Variants in ALMS1 observed in about 807,000 individuals in gnomAD.
The protein encoded by ALMS1 is centrosome-associated protein ALMS1.
A neutral mutation model predicts 352.2 loss-of-function variants in ALMS1; 271 were observed. The ratio of observed to expected loss-of-function variants is 0.77; its 90% CI spans 0.70 to 0.85. The LOEUF (loss-of-function observed/expected upper bound fraction) is 0.85, where lower values mean the gene tolerates loss of function less well. Ranked by LOEUF, ALMS1 falls within the 40% of genes least tolerant of loss-of-function variation. The pLI is 0.00. For synonymous variants in ALMS1, 1,865 were observed against 1,761.2 expected (o/e 1.06, Z -1.48); for missense variants, 5,445 against 4,870.7 (o/e 1.12, Z -3.51).
rs754175473 is a variant in ALMS1 at position 73,385,937 on chromosome 2, GGAGGAA to G, written c.75_80del (p.Glu27_Glu28del). ...AGGAGGAGGAGGAGGAGGAGGAGGA[GGAGGAA>G]GAGGAGGAGGCTGCAGCGGCGGCGG... On this transcript the variant is annotated inframe_deletion, in exon 1 of 23. Coordinates refer to ENST00000613296, the MANE Select transcript of ALMS1 (RefSeq NM_001378454.1). 10 of 1,000,582 alleles carry G rather than the reference GGAGGAA, an allele frequency of 1.0e-5. No individual in the cohort carries two copies. The highest frequency in any genetic ancestry group is 4.5e-5 in the Admixed American group (2 of 44,444). 62.0% of individuals were successfully genotyped at this position (1,000,582 alleles called of 1,614,324 possible).
intron 16 of ALMS1, among the ~76,000 whole-genome samples, chr2:73,595,041 C>CT (rs1267968928): frequency 2.6e-5 from 4 of 152,230 alleles, no homozygotes; most frequent in South Asian, 2.1e-4. Context: ...CTCCTTAAAT[C>CT]TTTTCTGCCA....
In ALMS1 at chr2:73,601,205, G is replaced by T; in HGVS notation, c.11883G>T (p.Trp3961Cys). Residue 3961 changes from tryptophan to cysteine, a missense_variant, in exon 19 of 23, where the codon TGG (tryptophan) becomes TGT (cysteine). Transcript: ENST00000613296. ...NKKNSHEGVS[W>C]FVPVENVESR... ...AACTGTTTCCTGTAGGAGTTTCCTG[G>T]TTTGTTCCTGTGGAAAATGTGGAGT... The T allele has an allele frequency of 6.2e-7, 1 of 1,614,190 alleles. No individual in the cohort carries two copies.
At chr2:73,458,971 T>C (rs2103807081) in intron 9 of ALMS1, 1 of 152,332 alleles carries the variant, frequency 6.6e-6, no homozygotes, top group South Asian at 2.1e-4. Flanking sequence ...TGAAGAGTTG[T>C]CCCTTGTCAC....
At position 73,424,844 on chromosome 2, in the gene ALMS1, A is replaced by C. The variant is rs765376715; in HGVS notation, c.1179A>C (p.Ser393=). Residue 393 remains serine, a synonymous_variant, in exon 5 of 23, where the codon TCA becomes TCC. Transcript: ENST00000613296. The part of the protein sequence containing the change: ...KRSDHFDAAR[S]YGQYWTQEDS... ...GTGACCATTTTGATGCTGCTCGTTCATATGGGCAGTATTGGACACAGGAAG... is the reference window on the plus strand; with the variant it reads ...GTGACCATTTTGATGCTGCTCGTTCCTATGGGCAGTATTGGACACAGGAAG... 10 of 1,608,358 alleles carry C rather than the reference A, an allele frequency of 6.2e-6. No homozygotes were observed. In the African/African-American group the frequency reaches 1.3e-4, roughly 22 times the overall value.
At chr2:73,511,270 C>T (rs575139901) in intron 10 of ALMS1, among the ~76,000 whole-genome samples, 2 of 152,006 alleles carry the variant, frequency 1.3e-5, no homozygotes, top group South Asian at 4.2e-4. Context: ...CGGTGTCTGC[C>T]CAAATGGCCG....
intron 13 of ALMS1, among the ~76,000 whole-genome samples, chr2:73,555,698 C>T (rs1057254132): frequency 2.6e-5 from 4 of 152,070 alleles, no homozygotes; most frequent in African/African-American, 9.7e-5. Context: ...TAATGCACAC[C>T]ACCTGCAAAG....
In ALMS1 at chr2:73,452,555, GAGTTTCCAGCAGCTACCCTT is replaced by G. The variant is rs1671969315; in HGVS notation, c.6033_6052del (p.Pro2012LeufsTer17). 1 of 1,613,916 alleles carries G rather than the reference GAGTTTCCAGCAGCTACCCTT, an allele frequency of 6.2e-7. No homozygotes were observed. ...GCATATACCAGATGACCAGAAAACT[GAGTTTCCAGCAGCTACCCTT>G]AGTTCCTACTCACAAATAGAGAAGC... is the stretch of plus-strand genomic sequence containing the variant. On this transcript the variant is annotated frameshift_variant, in exon 8 of 23. Coordinates refer to ENST00000613296, the MANE Select transcript of ALMS1 (RefSeq NM_001378454.1). LOFTEE classifies it high-confidence loss of function.
Position 73,600,771 on chromosome 2 carries a change from A to T in ALMS1, c.11762A>T (p.Glu3921Val), listed in dbSNP as rs1383253390. The T allele has an allele frequency of 6.2e-7, 1 of 1,614,222 alleles. No individual in the cohort carries two copies. Among genetic ancestry groups the T allele is most frequent in the South Asian group, 1.1e-5 (1 of 91,088 alleles). The part of the protein sequence containing the change: ...TPSSSEAKLE[E>V]NSDVTSWSEE... ...AGTTCCAGCGAGGCTAAATTGGAAGAGAACAGTGATGTGACTTCTTGGTCA... is the reference window on the plus strand; with the variant it reads ...AGTTCCAGCGAGGCTAAATTGGAAGTGAACAGTGATGTGACTTCTTGGTCA... The change falls in exon 18 of 23, where the codon GAG becomes GTG. Residue 3921 changes from glutamate (E) to valine (V), a missense_variant. Transcript: ENST00000613296.
At chr2:73,462,535 G>T (rs1441155270) in intron 9 of ALMS1, among the ~76,000 whole-genome samples, 2 of 152,228 alleles carry the variant, frequency 1.3e-5, no homozygotes, top group East Asian at 3.9e-4. Flanking sequence ...AGGCCAGGAA[G>T]AAACTGCATC....
chr2:73,552,898 G>A (rs999313048), intron 13 of ALMS1, among the ~76,000 whole-genome samples: 9 of 152,140 alleles, frequency 5.9e-5, no homozygotes, highest in Non-Finnish European at 1.3e-4. Context: ...AACATAAAGA[G>A]AAGGGAAAAG....
chr2:73,453,469 T>C lies in ALMS1; in HGVS notation c.6942T>C (p.Gly2314=). Residue 2314 remains glycine (G), a synonymous_variant, in exon 8 of 23, where the codon GGT becomes GGC. Coordinates refer to ENST00000613296, the MANE Select transcript of ALMS1 (RefSeq NM_001378454.1). ...CCTCTTCCACGGGTGTATCTAATGG[T>C]GATTTGCTTCACAGACAGCCATTCA... is the stretch of plus-strand genomic sequence containing the variant. ...KEPSSTGVSN[G]DLLHRQPFTE... 1 of 1,613,346 alleles carries C rather than the reference T, an allele frequency of 6.2e-7. No individual in the cohort carries two copies. Among genetic ancestry groups the C allele is most frequent in the Non-Finnish European group, 8.5e-7 (1 of 1,179,664 alleles).
intron 7 of ALMS1, among the ~76,000 whole-genome samples, chr2:73,444,285 T>A (rs970342485): frequency 1.3e-5 from 2 of 152,114 alleles, no homozygotes; most frequent in Non-Finnish European, 2.9e-5. Context: ...TGAGTAGGGG[T>A]GCACCTATCA....
intron 18 of ALMS1, 111 bp downstream of exon 18, chr2:73,600,992 G>C: frequency 7.1e-7 from 1 of 1,411,876 alleles, no homozygotes; most frequent in Admixed American, 2.1e-5. Context: ...CCTACCCCCA[G>C]CCACAACCTT....
Position 73,412,499 on chromosome 2 carries a change from C to G in ALMS1, c.450+3752C>G, listed in dbSNP as rs146982948. ...ACTGCTTCATTTCTCTTGGCAAATA[C>G]CTAGGAATGGCTGGACGTGGTGGCT... On this transcript the variant is annotated intron_variant, in intron 2 of 22. Transcript: ENST00000613296. Among the ~76,000 whole-genome samples, 184 of 152,094 alleles carry G rather than the reference C, an allele frequency of 1.2e-3. No homozygotes were observed. The East Asian group carries it at 0.015, about 12-fold the overall frequency.
At chr2:73,487,725 G>T (rs183799642) in intron 9 of ALMS1, among the ~76,000 whole-genome samples, 15 of 152,326 alleles carry the variant, frequency 9.8e-5, no homozygotes, top group African/African-American at 3.4e-4. Context: ...GAGCAAGATG[G>T]AGAGGAGTTT....
At chr2:73,403,490 T>C (rs753351121) in intron 1 of ALMS1, among the ~76,000 whole-genome samples, 14 of 152,212 alleles carry the variant, frequency 9.2e-5, no homozygotes, top group Non-Finnish European at 1.8e-4. Flanking sequence ...GTTTTTGTCT[T>C]ACAGAATTAC....
At chr2:73,463,876 C>T (rs1470907113) in intron 9 of ALMS1, among the ~76,000 whole-genome samples, 5 of 151,626 alleles carry the variant, frequency 3.3e-5, no homozygotes, top group African/African-American at 4.8e-5. Flanking sequence ...GACACATACA[C>T]CCTCCCAAGA....
At chr2:73,549,749 G>A (rs781462079) in intron 12 of ALMS1, among the ~76,000 whole-genome samples, 8 of 152,060 alleles carry the variant, frequency 5.3e-5, no homozygotes, top group African/African-American at 1.7e-4. Flanking sequence ...TTGCATCTCT[G>A]CCTTGTATTA....
intron 11 of ALMS1, among the ~76,000 whole-genome samples, chr2:73,534,173 A>G (rs1431790103): frequency 6.6e-6 from 1 of 152,160 alleles, no homozygotes; most frequent in Non-Finnish European, 1.5e-5. Context: ...GTAAACAAAT[A>G]AAAAACAGGA....
Sources: allele counts gnomAD v4.1 joint callset (sites outside exome capture counted in the v4.1 genomes callset), GRCh38; gene constraint gnomAD v4.1.1; transcripts MANE v1.5; gene names NCBI Gene and HGNC (gene_info 2026-07-23, HGNC 2026-07-21).